STX6: variants seen among roughly 807,000 people sequenced by gnomAD.
STX6 encodes the protein syntaxin 6, also known as syntaxin-6.
STX6 carries 23 observed loss-of-function variants against 38.0 expected under a neutral mutation model. The ratio of observed to expected loss-of-function variants is 0.60; its 90% CI spans 0.43 to 0.86. STX6 has a LOEUF of 0.86. Ranked by LOEUF, STX6 falls within the 40% of genes least tolerant of loss-of-function variation. The pLI, the probability that STX6 is intolerant of heterozygous loss-of-function variation, is 0.00. For synonymous variants in STX6, 123 were observed against 107.5 expected, an observed-to-expected ratio of 1.14 and a Z score of -0.89; for missense variants, 274 against 312.9, an observed-to-expected ratio of 0.88 and a Z score of 0.94.
chr1:181,017,173 TC>T (rs1320303462), intron 1 of STX6, among the ~76,000 whole-genome samples: 2 of 150,626 alleles, frequency 1.3e-5, no homozygotes, highest in Non-Finnish European at 3.0e-5. Flanking sequence ...GATCACGAGG[TC>T]AGGAGATCGA....
intron 1 of STX6, among the ~76,000 whole-genome samples, chr1:181,018,867 T>G (rs1257119651): frequency 6.6e-6 from 1 of 152,200 alleles, no homozygotes; most frequent in African/African-American, 2.4e-5. Context: ...CAAGATGAGA[T>G]TCTCCTTAGG....
At chr1:181,001,444 A>C (rs1396253971) in intron 3 of STX6, among the ~76,000 whole-genome samples, 1 of 152,244 alleles carries the variant, frequency 6.6e-6, no homozygotes, top group Non-Finnish European at 1.5e-5. Flanking sequence ...CAGATTCTTT[A>C]ATAATGGGTA....
At chr1:180,993,844 G>C (rs922830947) in intron 3 of STX6, among the ~76,000 whole-genome samples, 25 of 142,450 alleles carry the variant, frequency 1.8e-4, no homozygotes, top group African/African-American at 6.3e-4. Context: ...CATCCCTGGG[G>C]TACAAACACA....
At chr1:181,007,800 C>G (rs974371019) in intron 1 of STX6, among the ~76,000 whole-genome samples, 4 of 152,178 alleles carry the variant, frequency 2.6e-5, no homozygotes, top group African/African-American at 9.7e-5. Context: ...GGAATTCAAA[C>G]AGACATTTTA....
chr1:181,014,493 T>C (rs1360248194), intron 1 of STX6, among the ~76,000 whole-genome samples: 1 of 152,240 alleles, frequency 6.6e-6, no homozygotes, highest in Non-Finnish European at 1.5e-5. Context: ...ACAACTCTTT[T>C]ATCTGGGACA....
intron 5 of STX6, chr1:180,988,582 AACC>A: frequency 4.7e-6 from 2 of 421,148 alleles, no homozygotes; most frequent in South Asian, 4.6e-5. Flanking sequence ...CGGGGCTTGA[AACC>A]ACCAAGAGAG....
At chr1:180,982,353 A>T (rs1655442346) in intron 7 of STX6, among the ~76,000 whole-genome samples, 1 of 152,228 alleles carries the variant, frequency 6.6e-6, no homozygotes, top group African/African-American at 2.4e-5. Flanking sequence ...TTCTTTGGGT[A>T]GCAAGCAAAG....
chr1:181,007,652 A>C (rs555303572), intron 1 of STX6, among the ~76,000 whole-genome samples: 1 of 152,368 alleles, frequency 6.6e-6, no homozygotes, highest in East Asian at 1.9e-4. Context: ...CACAATGATG[A>C]TGCTGGAATT....
At chr1:181,005,606 C>G in intron 1 of STX6, 143 bp from the exon 2 acceptor site, 1 of 721,566 alleles carries the variant, frequency 1.4e-6, no homozygotes, top group Non-Finnish European at 2.2e-6. Context: ...AGACAAATAT[C>G]AAAGTTCAAA....
At chr1:180,993,739 C>G (rs1033766955) in intron 3 of STX6, among the ~76,000 whole-genome samples, 18 of 152,202 alleles carry the variant, frequency 1.2e-4, no homozygotes, top group Admixed American at 5.2e-4. Flanking sequence ...TCACAAGGAC[C>G]CTGTGAAGCT....
intron 1 of STX6, 122 bp downstream of exon 1, chr1:181,022,516 TC>T: frequency 1.0e-6 from 1 of 977,068 alleles, no homozygotes; most frequent in Non-Finnish European, 1.6e-6. Flanking sequence ...CTAAGCCGTC[TC>T]CACTGTTCCC....
intron 7 of STX6, 35 bp from the exon 8 acceptor site, chr1:180,976,681 G>A: frequency 6.3e-7 from 1 of 1,587,668 alleles, no homozygotes; most frequent in East Asian, 2.2e-5. Context: ...GCTCTCACAG[G>A]GACTCCACAT....
intron 3 of STX6, 116 bp from the exon 4 acceptor site, chr1:180,993,541 G>A (rs910145399): frequency 6.2e-5 from 32 of 513,460 alleles, no homozygotes; most frequent in African/African-American, 1.6e-4. Context: ...AAAGAAGACC[G>A]CATTTCTTGG....
chr1:180,992,596 C>A (rs1258589448), intron 4 of STX6, among the ~76,000 whole-genome samples: 1 of 152,152 alleles, frequency 6.6e-6, no homozygotes, highest in African/African-American at 2.4e-5. Context: ...AAAACTACTT[C>A]TGTCAAAAAA....
At chr1:181,018,905 G>T (rs1008906407) in intron 1 of STX6, among the ~76,000 whole-genome samples, 1 of 152,130 alleles carries the variant, frequency 6.6e-6, no homozygotes, top group Admixed American at 6.5e-5. Flanking sequence ...TATTTTACCT[G>T]CACTGGGAAG....
At chr1:180,992,864 A>G (rs1345993231) in intron 4 of STX6, among the ~76,000 whole-genome samples, 1 of 152,206 alleles carries the variant, frequency 6.6e-6, no homozygotes, top group East Asian at 1.9e-4. Flanking sequence ...TCAAATGTCA[A>G]TCCTTAGATG....
rs539210870 is a variant in STX6, at chr1:180,992,045, G to A, written c.363+1318C>T. On this transcript the variant is annotated intron_variant, in intron 4 of 7. Transcript: ENST00000258301. ...TCAAATTAAGAGTAACAGCATAGGT[G>A]TTACTGACCTCACTGTCACAACTAC... is the stretch of plus-strand genomic sequence containing the variant. 6.6e-5 allele frequency among the ~76,000 whole-genome samples: 10 copies of A among 151,710 alleles called. No homozygotes were observed. The South Asian group carries it at 1.9e-3, about 28-fold the overall frequency.
At chr1:181,018,388 C>CAAAAAAAAA (rs34962747) in intron 1 of STX6, among the ~76,000 whole-genome samples, 2 of 43,042 alleles carry the variant, frequency 4.6e-5, no homozygotes, top group Non-Finnish European at 8.2e-5. Flanking sequence ...GACTCTGTCC[C>CAAAAAAAAA]AAAAAAAAAA....
chr1:180,981,635 G>T (rs564381238), intron 7 of STX6, among the ~76,000 whole-genome samples: 4 of 152,040 alleles, frequency 2.6e-5, no homozygotes, highest in Non-Finnish European at 5.9e-5. Flanking sequence ...TATTAAGTAG[G>T]AATTTTCACC....
Sources: gnomAD v4.1 joint callset for allele counts (sites outside exome capture counted in the v4.1 genomes callset) on GRCh38, gnomAD v4.1.1 for gene constraint, MANE v1.5 for transcripts, NCBI Gene and HGNC (gene_info 2026-07-23, HGNC 2026-07-21) for gene names.